Variants in IPMK observed in about 807,000 individuals in gnomAD.
IPMK encodes the protein inositol polyphosphate multikinase, also known as inositol 1,3,4,6-tetrakisphosphate 5-kinase.
Under a neutral mutation model 45.8 loss-of-function variants are expected in IPMK, and 17 were observed. The ratio of observed to expected loss-of-function variants is 0.37; its 90% confidence interval spans 0.25 to 0.56. The LOEUF is 0.56. IPMK is among the 20% of genes least tolerant of loss of function. The pLI is 0.79. For missense variants in IPMK, 399 were observed against 498.0 expected (o/e 0.80, Z 1.89); for synonymous variants, 180 against 184.3 (o/e 0.98, Z 0.19).
chr10:58,215,113 G>A (rs1737437564), intron 4 of IPMK, among the ~76,000 whole-genome samples: 1 of 152,074 alleles, frequency 6.6e-6, no homozygotes, highest in South Asian at 2.1e-4. Flanking sequence ...CTAGCCTTCT[G>A]ACAGATAAGA....
rs1335558417 is a variant in IPMK at position 58,246,163 on chromosome 10, C to T, written c.191-8349G>A. Among the ~76,000 whole-genome samples, 22 of 135,048 alleles carry T rather than the reference C, an allele frequency of 1.6e-4. No individual in the cohort carries two copies. The East Asian group carries it at 4.8e-3, about 29-fold the overall frequency. The allele number at this position is 135,048 out of a possible 152,430, so 88.6% of individuals were successfully genotyped here. A position where few individuals can be genotyped will look rare whatever the true frequency, so the allele number is the denominator to read the frequency against. On this transcript the variant is annotated intron_variant, in intron 1 of 5. Coordinates refer to ENST00000373935, the MANE Select transcript of IPMK (RefSeq NM_152230.5). Reference sequence around the variant, plus strand: ...TCAAGGAAATAAAAGAGGATACAAACAAATGGAAGAACACTGCATGCTCAT... The same window carrying T: ...TCAAGGAAATAAAAGAGGATACAAATAAATGGAAGAACACTGCATGCTCAT...
chr10:58,213,698 AAAAAAAAAAAG>A (rs1564530189), intron 4 of IPMK, among the ~76,000 whole-genome samples: 1 of 131,788 alleles, frequency 7.6e-6, no homozygotes, highest in African/African-American at 3.4e-5. Flanking sequence ...AAAAAAAAAG[AAAAAAAAAAAG>A]AAAAAATAGA....
intron 4 of IPMK, among the ~76,000 whole-genome samples, chr10:58,205,644 A>G (rs958499302): frequency 6.6e-6 from 1 of 152,198 alleles, no homozygotes; most frequent in Non-Finnish European, 1.5e-5. Flanking sequence ...AGGCATACAG[A>G]GTAATACAAT....
chr10:58,249,161 TTC>T (rs1371280195), intron 1 of IPMK, among the ~76,000 whole-genome samples: 1 of 152,260 alleles, frequency 6.6e-6, no homozygotes, highest in Non-Finnish European at 1.5e-5. Context: ...TGTAGTAGTG[TTC>T]TCTTTCTCCA....
chr10:58,226,451 A>G (rs1410681597), intron 3 of IPMK, among the ~76,000 whole-genome samples: 1 of 152,182 alleles, frequency 6.6e-6, no homozygotes, highest in Non-Finnish European at 1.5e-5. Flanking sequence ...CTTTCCCCTC[A>G]ATTCACCTTT....
At chr10:58,242,408 C>T (rs1246012060) in intron 1 of IPMK, among the ~76,000 whole-genome samples, 1 of 146,052 alleles carries the variant, frequency 6.8e-6, no homozygotes, top group African/African-American at 2.6e-5. Flanking sequence ...TGCAGCGAGT[C>T]GCGATTGTGC....
intron 1 of IPMK, among the ~76,000 whole-genome samples, chr10:58,257,788 T>C (rs1437212957): frequency 6.6e-6 from 1 of 152,146 alleles, no homozygotes; most frequent in Non-Finnish European, 1.5e-5. Context: ...TATATCAGAC[T>C]ACATAGTATT....
chr10:58,258,103 G>A (rs556722284), intron 1 of IPMK, among the ~76,000 whole-genome samples: 50 of 152,234 alleles, frequency 3.3e-4, no homozygotes, highest in African/African-American at 1.1e-3. Context: ...GAGGTCAGGA[G>A]TTCAAGACCA....
chr10:58,241,935 C>T (rs1027015704), intron 1 of IPMK, among the ~76,000 whole-genome samples: 3 of 151,692 alleles, frequency 2.0e-5, no homozygotes, highest in African/African-American at 7.3e-5. Flanking sequence ...TTTATCTCAA[C>T]TCCTCATTAG....
At position 58,194,648 on chromosome 10, in the gene IPMK, G is replaced by C. The variant is rs1837865920; in HGVS notation, c.*1428C>G. The C allele has an allele frequency of 6.6e-6, 1 of 151,816 alleles. No homozygotes were observed. The highest frequency in any genetic ancestry group is 2.4e-5 in the African/African-American group (1 of 41,382). 9.4% of individuals were successfully genotyped at this position (151,816 alleles called of 1,614,324 possible). ...CTCCACACCACAATAAAGGTGCTCGGATTTAAAAATTCAATTTGTAACTCC... is the reference window on the plus strand; with the variant it reads ...CTCCACACCACAATAAAGGTGCTCGCATTTAAAAATTCAATTTGTAACTCC... On this transcript the variant is annotated 3_prime_UTR_variant, in exon 6 of 6. Coordinates refer to ENST00000373935, the MANE Select transcript of IPMK (RefSeq NM_152230.5).
intron 4 of IPMK, among the ~76,000 whole-genome samples, chr10:58,208,042 G>A (rs1357632523): frequency 6.6e-6 from 1 of 151,872 alleles, no homozygotes; most frequent in Non-Finnish European, 1.5e-5. Context: ...CCGGGTTCAC[G>A]CCATTCTCCT....
intron 1 of IPMK, among the ~76,000 whole-genome samples, chr10:58,254,525 A>C (rs1198155383): frequency 6.6e-6 from 1 of 152,188 alleles, no homozygotes; most frequent in Non-Finnish European, 1.5e-5. Context: ...TCTTTCAAAA[A>C]TCTTGTAGAT....
intron 1 of IPMK, among the ~76,000 whole-genome samples, chr10:58,248,900 C>T (rs1242680772): frequency 2.0e-5 from 3 of 152,134 alleles, no homozygotes; most frequent in Admixed American, 1.3e-4. Context: ...GAAAAATATT[C>T]CATTATGAAC....
rs79113928 is a variant in IPMK, at chr10:58,218,126, C to A, written c.374-1809G>T. ...CTCTGTAGAACTAAGTGAAGTTAAG[C>A]CCAAATATGACAAAAAAGTTACTGC... On this transcript the variant is annotated intron_variant, in intron 3 of 5. Coordinates refer to ENST00000373935, the MANE Select transcript of IPMK (RefSeq NM_152230.5). 6.8e-3 allele frequency among the ~76,000 whole-genome samples: 1,042 copies of A among 152,230 alleles called. 12 individuals are homozygous for A. The highest frequency in any genetic ancestry group is 0.024 in the African/African-American group (985 of 41,538).
At chr10:58,208,937 T>G (rs980351925) in intron 4 of IPMK, among the ~76,000 whole-genome samples, 2 of 152,132 alleles carry the variant, frequency 1.3e-5, no homozygotes, top group African/African-American at 2.4e-5. Flanking sequence ...TGCTGAGGAT[T>G]TATCAGAGTG....
At chr10:58,227,191 C>T (rs771093141) in intron 2 of IPMK, 52 bp from the exon 3 acceptor site, 3 of 1,224,734 alleles carry the variant, frequency 2.4e-6, no homozygotes, top group South Asian at 1.3e-5. Flanking sequence ...TTTGTAACTG[C>T]CCTGCACATT....
At chr10:58,244,285 C>A (rs1429899741) in intron 1 of IPMK, among the ~76,000 whole-genome samples, 2 of 124,948 alleles carry the variant, frequency 1.6e-5, no homozygotes, top group Non-Finnish European at 3.4e-5. Flanking sequence ...CCAGCCGCCC[C>A]GTCGGGGAAG....
chr10:58,200,123 T>A (rs907422028), intron 4 of IPMK, among the ~76,000 whole-genome samples: 2 of 152,136 alleles, frequency 1.3e-5, no homozygotes, highest in African/African-American at 4.8e-5. Context: ...ACCAACTTTT[T>A]TTTGGTTGGG....
intron 1 of IPMK, among the ~76,000 whole-genome samples, chr10:58,246,590 T>C (rs1195018998): frequency 7.6e-6 from 1 of 132,214 alleles, no homozygotes; most frequent in Non-Finnish European, 1.5e-5. Flanking sequence ...CTGGGAAAAC[T>C]GGCTAGCCAT....
Sources: gnomAD v4.1 joint callset for allele counts (sites outside exome capture counted in the v4.1 genomes callset) on GRCh38, gnomAD v4.1.1 for gene constraint, MANE v1.5 for transcripts, NCBI Gene and HGNC (gene_info 2026-07-23, HGNC 2026-07-21) for gene names.